Variants in FGGY observed in about 807,000 individuals in gnomAD.
FGGY encodes the protein FGGY carbohydrate kinase domain containing.
Under a neutral mutation model 71.3 loss-of-function variants are expected in FGGY, and 72 were observed. The ratio of observed to expected loss-of-function variants is 1.01; its 90% CI spans 0.84 to 1.23. The LOEUF (loss-of-function observed/expected upper bound fraction) is 1.23, where lower values mean the gene tolerates loss of function less well. FGGY is among the 50% of genes most tolerant of loss of function. FGGY has a pLI of 0.00. For missense variants in FGGY, 668 were observed against 682.3 expected (o/e 0.98, Z 0.23); for synonymous variants, 251 against 250.3 (o/e 1.00, Z -0.02).
chr1:59,537,351 C>T (rs995362026), intron 7 of FGGY, among the ~76,000 whole-genome samples: 37 of 152,108 alleles, frequency 2.4e-4, no homozygotes, highest in African/African-American at 7.5e-4. Context: ...TAAAAGAGGA[C>T]ACAAACAAAT....
Position 59,689,803 on chromosome 1 carries a change from A to G in FGGY, c.1512+15670A>G, listed in dbSNP as rs561729774. On this transcript the variant is annotated intron_variant, in intron 14 of 15. Coordinates refer to ENST00000303721, the MANE Select transcript of FGGY (RefSeq NM_018291.5). ...CACATTTGAGAATTTCAGGATGGAG[A>G]AAGCACCTTCTGAAGCAATGTCATT... Among the ~76,000 whole-genome samples, 7 of 152,296 alleles carry G rather than the reference A, an allele frequency of 4.6e-5. No individual in the cohort carries two copies. In the South Asian group the frequency reaches 1.5e-3, roughly 32 times the overall value.
intron 2 of FGGY, among the ~76,000 whole-genome samples, chr1:59,332,450 G>A (rs540359372): frequency 2.0e-5 from 3 of 152,332 alleles, no homozygotes; most frequent in Non-Finnish European, 4.4e-5. Flanking sequence ...GACTCTGACA[G>A]TCATCTTTCT....
intron 8 of FGGY, among the ~76,000 whole-genome samples, chr1:59,581,959 A>T (rs1013760266): frequency 6.7e-6 from 1 of 150,032 alleles, no homozygotes; most frequent in Admixed American, 6.6e-5. Flanking sequence ...TATTTGATAA[A>T]TTGTCAGAGT....
chr1:59,678,987 T>C (rs2097465109), intron 14 of FGGY, among the ~76,000 whole-genome samples: 1 of 152,146 alleles, frequency 6.6e-6, no homozygotes, highest in Admixed American at 6.5e-5. Flanking sequence ...CCATCAACTT[T>C]CCCTGTCACG....
chr1:59,645,800 A>G (rs1000235173), intron 11 of FGGY, among the ~76,000 whole-genome samples: 1 of 152,218 alleles, frequency 6.6e-6, no homozygotes, highest in Non-Finnish European at 1.5e-5. Flanking sequence ...AATGCACCCT[A>G]TTCATCATTG....
At chr1:59,420,380 G>A (rs895496084) in intron 5 of FGGY, among the ~76,000 whole-genome samples, 3 of 152,220 alleles carry the variant, frequency 2.0e-5, no homozygotes, top group Admixed American at 6.5e-5. Flanking sequence ...TAGTGAAGTC[G>A]TTATTCCCAA....
intron 5 of FGGY, among the ~76,000 whole-genome samples, chr1:59,394,944 A>T (rs553298029): frequency 3.7e-4 from 56 of 152,004 alleles, no homozygotes; most frequent in African/African-American, 1.3e-3. Flanking sequence ...TTGACTTTGC[A>T]CGTACTGTTT....
intron 5 of FGGY, among the ~76,000 whole-genome samples, chr1:59,398,395 C>A (rs756120586): frequency 1.3e-5 from 2 of 152,080 alleles, no homozygotes; most frequent in East Asian, 3.9e-4. Context: ...CACGCCACCA[C>A]GCCTGGCTAA....
At chr1:59,458,344 C>G (rs1479871189) in intron 6 of FGGY, among the ~76,000 whole-genome samples, 1 of 152,152 alleles carries the variant, frequency 6.6e-6, no homozygotes, top group Non-Finnish European at 1.5e-5. Context: ...TGTCCTAGCA[C>G]AAGGCATGGC....
chr1:59,625,934 C>T, intron 9 of FGGY, 54 bp from the exon 10 acceptor site: 1 of 1,391,696 alleles, frequency 7.2e-7, no homozygotes, highest in Non-Finnish European at 9.9e-7. Context: ...ATTTTTCTAT[C>T]TTATACATAA....
chr1:59,364,744 A>C (rs1204683526), intron 4 of FGGY, among the ~76,000 whole-genome samples: 1 of 152,230 alleles, frequency 6.6e-6, no homozygotes, highest in Non-Finnish European at 1.5e-5. Flanking sequence ...CAGCATAGGG[A>C]TGTCATGGGT....
At chr1:59,539,475 G>T (rs1357647077) in intron 7 of FGGY, among the ~76,000 whole-genome samples, 1 of 152,168 alleles carries the variant, frequency 6.6e-6, no homozygotes, top group African/African-American at 2.4e-5. Flanking sequence ...GTTAATTTGT[G>T]GCAAAGATGC....
intron 14 of FGGY, 115 bp downstream of exon 14, chr1:59,674,248 G>C: frequency 2.8e-6 from 2 of 709,820 alleles, no homozygotes; most frequent in Middle Eastern, 2.6e-4. Flanking sequence ...AGAAATGATA[G>C]GTTCCAGCCA....
intron 8 of FGGY, among the ~76,000 whole-genome samples, chr1:59,565,092 G>A (rs1341177942): frequency 6.6e-6 from 1 of 152,070 alleles, no homozygotes; most frequent in Non-Finnish European, 1.5e-5. Context: ...GGAAAGTTCT[G>A]GAGGACTGCC....
chr1:59,532,691 CAT>C (rs1270609660), intron 7 of FGGY, among the ~76,000 whole-genome samples: 1 of 151,906 alleles, frequency 6.6e-6, no homozygotes, highest in East Asian at 1.9e-4. Flanking sequence ...AAGAAAAAAA[CAT>C]AATGCAAATA....
In FGGY at chr1:59,457,002, A is replaced by G; in HGVS notation, c.596A>G (p.Glu199Gly). 6.2e-7 allele frequency: 1 copy of G among 1,614,146 alleles called. No individual in the cohort carries two copies. The highest frequency in any genetic ancestry group is 8.5e-7 in the Non-Finnish European group (1 of 1,179,992). Residue 199 changes from glutamate to glycine, a missense_variant, in exon 6 of 16, where the codon GAG (glutamate) becomes GGG (glycine). Glu to Gly is a moderately conservative substitution (Grantham distance 98). This residue lies in a region of FGGY where 661 missense variants were observed against 661.6 expected (regional missense o/e 1.00). Transcript: ENST00000303721. ...GTGTGTAAGTGGACATATTCAGCAGAGAAAGGCTGGGACGACAGTTTCTGG... is the reference window on the plus strand; with the variant it reads ...GTGTGTAAGTGGACATATTCAGCAGGGAAAGGCTGGGACGACAGTTTCTGG... ...SLVCKWTYSA[E>G]KGWDDSFWKM...
chr1:59,526,312 A>G (rs879919082), intron 7 of FGGY, among the ~76,000 whole-genome samples: 1 of 152,222 alleles, frequency 6.6e-6, no homozygotes, highest in Non-Finnish European at 1.5e-5. Flanking sequence ...ATTTGAGGAA[A>G]CATACCTTAA....
chr1:59,465,995 A>G (rs1274455487), intron 6 of FGGY, among the ~76,000 whole-genome samples: 2 of 152,148 alleles, frequency 1.3e-5, no homozygotes, highest in Non-Finnish European at 2.9e-5. Flanking sequence ...CACAGAACTG[A>G]AAAAAACTAC....
chr1:59,509,788 A>G (rs979443396), intron 6 of FGGY, among the ~76,000 whole-genome samples: 3 of 152,182 alleles, frequency 2.0e-5, no homozygotes, highest in Non-Finnish European at 4.4e-5. Context: ...GAGGACATAG[A>G]ATCAAATTAA....
Sources: allele counts gnomAD v4.1 joint callset (sites outside exome capture counted in the v4.1 genomes callset), GRCh38; gene constraint gnomAD v4.1.1; regional missense constraint gnomAD v4.1.1; transcripts MANE v1.5; gene names NCBI Gene and HGNC (gene_info 2026-07-23, HGNC 2026-07-21).